CACNA1E: variants seen among roughly 807,000 people sequenced by gnomAD.
The protein encoded by CACNA1E is calcium voltage-gated channel subunit alpha1 E.
CACNA1E carries 40 observed loss-of-function variants against 259.2 expected under a neutral mutation model. The observed-to-expected ratio is 0.15, with a 90% CI of 0.12 to 0.20. CACNA1E has a LOEUF of 0.20. CACNA1E is among the 10% of genes least tolerant of loss of function. The pLI is 1.00. For missense variants in CACNA1E, 1,874 were observed against 3,040.1 expected (o/e 0.62, Z 9.02); for synonymous variants, 1,104 against 1,138.5 (o/e 0.97, Z 0.61).
At chr1:181,461,255 T>C (rs1661781652) in intron 2 of CACNA1E, among the ~76,000 whole-genome samples, 3 of 152,124 alleles carry the variant, frequency 2.0e-5, no homozygotes, top group Admixed American at 6.5e-5. Context: ...TTAAAAGAAG[T>C]GTTGGGCCGG....
chr1:181,323,594 TG>T (rs1650541153), intron 1 of CACNA1E, among the ~76,000 whole-genome samples: 1 of 152,226 alleles, frequency 6.6e-6, no homozygotes, highest in Non-Finnish European at 1.5e-5. Flanking sequence ...AGGATTTTTT[TG>T]TTTGCTATAT....
chr1:181,726,256 C>G (rs531944727), intron 18 of CACNA1E, 94 bp downstream of exon 18: 2 of 859,026 alleles, frequency 2.3e-6, no homozygotes, highest in East Asian at 5.4e-5. Context: ...AGTGTACCTA[C>G]TACATGCTGG....
At chr1:181,741,689 A>T (rs1474613714) in intron 25 of CACNA1E, among the ~76,000 whole-genome samples, 1 of 152,118 alleles carries the variant, frequency 6.6e-6, no homozygotes, top group Non-Finnish European at 1.5e-5. Flanking sequence ...CTCTCCTGAG[A>T]CCCAGAGCAG....
chr1:181,449,376 T>TA (rs1661003279), intron 2 of CACNA1E, among the ~76,000 whole-genome samples: 1 of 152,234 alleles, frequency 6.6e-6, no homozygotes, highest in Non-Finnish European at 1.5e-5. Context: ...TTAAATAATG[T>TA]GATCGGCTTA....
chr1:181,356,341 C>CGCGCGT (rs1553234183), intron 1 of CACNA1E, among the ~76,000 whole-genome samples: 8 of 146,976 alleles, frequency 5.4e-5, no homozygotes, highest in African/African-American at 2.1e-4. Context: ...GCCTTCTATT[C>CGCGCGT]GTGTGTGTGT....
At chr1:181,435,977 G>A (rs1002167711) in intron 2 of CACNA1E, among the ~76,000 whole-genome samples, 1 of 152,128 alleles carries the variant, frequency 6.6e-6, no homozygotes, top group Non-Finnish European at 1.5e-5. Context: ...ATCTGATAAG[G>A]AGTTAATATT....
chr1:181,397,605 G>A (rs1020045516), intron 1 of CACNA1E, among the ~76,000 whole-genome samples: 3 of 152,118 alleles, frequency 2.0e-5, no homozygotes. Context: ...GACAGGGTGG[G>A]GTGTTTCAGC....
intron 2 of CACNA1E, among the ~76,000 whole-genome samples, chr1:181,448,826 G>C (rs114368268): frequency 0.019 from 2,849 of 152,314 alleles, 90 homozygotes; most frequent in African/African-American, 0.065. Context: ...CGGAAAGCTG[G>C]TCCAAGCCTC....
At chr1:181,676,762 G>C (rs1268594557) in intron 7 of CACNA1E, among the ~76,000 whole-genome samples, 2 of 152,170 alleles carry the variant, frequency 1.3e-5, no homozygotes, top group Non-Finnish European at 2.9e-5. Flanking sequence ...ATCATTGTGT[G>C]AGTTCTGTGT....
intron 6 of CACNA1E, among the ~76,000 whole-genome samples, chr1:181,636,323 A>G (rs1237365508): frequency 6.6e-6 from 1 of 152,212 alleles, no homozygotes; most frequent in Non-Finnish European, 1.5e-5. Flanking sequence ...TCCTCATCAG[A>G]GGAAAAGGTT....
At chr1:181,733,970 T>C (rs1425940970) in intron 21 of CACNA1E, among the ~76,000 whole-genome samples, 1 of 152,268 alleles carries the variant, frequency 6.6e-6, no homozygotes, top group Non-Finnish European at 1.5e-5. Context: ...GGCTTGTTCC[T>C]GTGACCACCC....
chr1:181,753,141 TTCAGG>T (rs752212844), intron 27 of CACNA1E, among the ~76,000 whole-genome samples: 16,626 of 152,256 alleles, frequency 0.11, 958 homozygotes, highest in Middle Eastern at 0.16. Context: ...AAGCCCCATC[TTCAGG>T]GGCTACACCA....
At chr1:181,378,980 G>A (rs867885433) in intron 1 of CACNA1E, among the ~76,000 whole-genome samples, 8 of 152,160 alleles carry the variant, frequency 5.3e-5, no homozygotes, top group Non-Finnish European at 1.2e-4. Context: ...AAATTACCAG[G>A]CATGCAAAGA....
At chr1:181,350,362 C>T (rs1198119484) in intron 1 of CACNA1E, among the ~76,000 whole-genome samples, 1 of 152,160 alleles carries the variant, frequency 6.6e-6, no homozygotes, top group Non-Finnish European at 1.5e-5. Flanking sequence ...TCCCCAAGAA[C>T]AGGGCAAAAA....
At chr1:181,711,348 T>G (rs1653344204) in intron 8 of CACNA1E, among the ~76,000 whole-genome samples, 1 of 152,222 alleles carries the variant, frequency 6.6e-6, no homozygotes, top group African/African-American at 2.4e-5. Context: ...GAGACTGGGC[T>G]GATGGCGTTT....
chr1:181,772,976 A>G (rs1659653713), intron 37 of CACNA1E, among the ~76,000 whole-genome samples: 1 of 152,144 alleles, frequency 6.6e-6, no homozygotes, highest in Non-Finnish European at 1.5e-5. Flanking sequence ...AAGCAGTGAT[A>G]AATAGAATAA....
chr1:181,345,440 T>G (rs995449132), intron 1 of CACNA1E, among the ~76,000 whole-genome samples: 1 of 152,102 alleles, frequency 6.6e-6, no homozygotes, highest in Non-Finnish European at 1.5e-5. Context: ...AGTTGCTGAG[T>G]TGGGGGGCCA....
intron 1 of CACNA1E, among the ~76,000 whole-genome samples, chr1:181,500,071 A>G (rs1665112517): frequency 6.6e-6 from 1 of 152,154 alleles, no homozygotes; most frequent in South Asian, 2.1e-4. Flanking sequence ...TTCTGTGATG[A>G]GGGGGATGGA....
At chr1:181,435,879 C>G (rs1660050738) in intron 2 of CACNA1E, among the ~76,000 whole-genome samples, 2 of 152,102 alleles carry the variant, frequency 1.3e-5, no homozygotes, top group African/African-American at 4.8e-5. Context: ...AACATTATAA[C>G]AAGATATTTT....
Sources: allele counts gnomAD v4.1 joint callset (sites outside exome capture counted in the v4.1 genomes callset), GRCh38; gene constraint gnomAD v4.1.1; transcripts MANE v1.5; gene names NCBI Gene and HGNC (gene_info 2026-07-23, HGNC 2026-07-21).